Variants in FAT1 observed in about 807,000 individuals in gnomAD.
The protein encoded by FAT1 is protocadherin Fat 1.
A neutral mutation model predicts 329.8 loss-of-function variants in FAT1; 171 were observed. The ratio of observed to expected loss-of-function variants is 0.52; its 90% CI spans 0.46 to 0.59. The LOEUF (loss-of-function observed/expected upper bound fraction) is 0.59, where lower values mean the gene tolerates loss of function less well. Among genes scored for constraint, FAT1 ranks in the 20% least tolerant of loss-of-function variants. The pLI, the probability that FAT1 is intolerant of heterozygous loss-of-function variation, is 0.00. For synonymous variants in FAT1, 2,233 were observed against 2,228.6 expected (o/e 1.00, Z -0.06); for missense variants, 5,672 against 5,774.4 (o/e 0.98, Z 0.57).
intron 2 of FAT1, among the ~76,000 whole-genome samples, chr4:186,695,250 G>A (rs999317585): frequency 1.3e-5 from 2 of 152,176 alleles, no homozygotes; most frequent in Non-Finnish European, 2.9e-5. Context: ...TCCAGAGGAT[G>A]ATACAGGCAA....
At chr4:186,717,884 G>A (rs1417552858) in intron 1 of FAT1, among the ~76,000 whole-genome samples, 2 of 151,990 alleles carry the variant, frequency 1.3e-5, no homozygotes, top group Admixed American at 6.6e-5. Flanking sequence ...CCACATTCCA[G>A]GACAAACTTT....
intron 1 of FAT1, among the ~76,000 whole-genome samples, chr4:186,717,826 C>A (rs1745286124): frequency 6.6e-6 from 1 of 152,072 alleles, no homozygotes; most frequent in Admixed American, 6.6e-5. Flanking sequence ...CTATTCTCTT[C>A]TTTCCCCTCT....
At chr4:186,685,326 G>A (rs774033411) in intron 2 of FAT1, among the ~76,000 whole-genome samples, 5 of 152,192 alleles carry the variant, frequency 3.3e-5, no homozygotes, top group Non-Finnish European at 7.3e-5. Context: ...CGTAGAGAAC[G>A]TTAAACCACC....
rs1560962352 is a variant in FAT1, at chr4:186,645,391, A to C, written c.3581-5608T>G. Among the ~76,000 whole-genome samples the C allele has an allele frequency of 1.7e-3, 164 of 95,710 alleles. 13 individuals are homozygous for C. The East Asian group carries it at 0.02, about 12-fold the overall frequency. 62.8% of individuals were successfully genotyped at this position (95,710 alleles called of 152,430 possible). On this transcript the variant is annotated intron_variant, in intron 3 of 26. Transcript: ENST00000441802. ...CATATATATATATATATATATATATATATATATATATATATATATATATAT... is the reference window on the plus strand; with the variant it reads ...CATATATATATATATATATATATATCTATATATATATATATATATATATAT...
chr4:186,632,221 AAAAT>A (rs1380170235), intron 7 of FAT1, among the ~76,000 whole-genome samples: 1 of 152,216 alleles, frequency 6.6e-6, no homozygotes, highest in African/African-American at 2.4e-5. Context: ...GCACTAATTA[AAAAT>A]ATAATTATTG....
chr4:186,722,907 T>G (rs1285571733), intron 1 of FAT1, among the ~76,000 whole-genome samples: 2 of 150,500 alleles, frequency 1.3e-5, no homozygotes, highest in Non-Finnish European at 3.0e-5. Flanking sequence ...AAAAAAAAAC[T>G]TAACTGCATA....
chr4:186,620,674 TC>T lies in FAT1; in HGVS notation c.5911del (p.Glu1971LysfsTer7). The T allele has an allele frequency of 6.2e-7, 1 of 1,614,034 alleles. No homozygotes were observed. The highest frequency in any genetic ancestry group is 1.1e-5 in the South Asian group (1 of 91,080). On this transcript the variant is annotated frameshift_variant, in exon 10 of 27. Coordinates refer to ENST00000441802, the MANE Select transcript of FAT1 (RefSeq NM_005245.4). LOFTEE classifies it high-confidence loss of function. ...AAACTTTAGGTGACTTTCTTTGCTTTCTTTCACATTAATTTTGACAGAGGTA... is the reference window on the plus strand; with the variant it reads ...AAACTTTAGGTGACTTTCTTTGCTTTTTTCACATTAATTTTGACAGAGGTA... ...GLTSVKINVK[E>X]SKESHLKFTQ...
rs116784674 is a variant in FAT1, at chr4:186,618,886, C to A, written c.7700G>T (p.Arg2567Leu). The A allele has an allele frequency of 6.2e-7, 1 of 1,613,990 alleles. No individual in the cohort carries two copies. The highest frequency in any genetic ancestry group is 1.1e-5 in the South Asian group (1 of 91,082). Residue 2567 changes from arginine (R) to leucine (L), a missense_variant, in exon 10 of 27, where the codon CGT (arginine) becomes CTT (leucine). This residue lies in a region of FAT1 where 3,966 missense variants were observed against 3,915.2 expected (regional missense o/e 1.01). Coordinates refer to ENST00000441802, the MANE Select transcript of FAT1 (RefSeq NM_005245.4). The stretch of plus-strand genomic sequence containing the variant: ...TCCTCCAGCATCCTTAGCCATTAAA[C>A]GGACTGAGATCACTTTCTCCGCCGG... Reference protein sequence around the residue: ...ETPAEKVISVRLMAKDAGGKV... With the variant: ...ETPAEKVISVLLMAKDAGGKV...
Position 186,609,910 on chromosome 4 carries a change from G to A in FAT1, c.9959C>T (p.Thr3320Ile). Residue 3320 changes from threonine to isoleucine, a missense_variant, in exon 15 of 27, where the codon ACT (threonine) becomes ATT (isoleucine). Coordinates refer to ENST00000441802, the MANE Select transcript of FAT1 (RefSeq NM_005245.4). ...GGTPSLSDVA[T>I]VNVNVTDIND... ...GATATCTGTTACATTAACGTTCACAGTGGCAACGTCGCTCAGTGAAGGCGT... is the reference window on the plus strand; with the variant it reads ...GATATCTGTTACATTAACGTTCACAATGGCAACGTCGCTCAGTGAAGGCGT... 2 of 1,613,032 alleles carry A rather than the reference G, an allele frequency of 1.2e-6. No individual in the cohort carries two copies. Among genetic ancestry groups the A allele is most frequent in the Non-Finnish European group, 1.7e-6 (2 of 1,179,008 alleles).
intron 2 of FAT1, among the ~76,000 whole-genome samples, chr4:186,697,870 C>T (rs1020210117): frequency 6.6e-6 from 1 of 152,124 alleles, no homozygotes; most frequent in South Asian, 2.1e-4. Flanking sequence ...ACCAGGATTC[C>T]AAGAAGACGG....
intron 2 of FAT1, among the ~76,000 whole-genome samples, chr4:186,685,086 G>A (rs1029493479): frequency 6.6e-6 from 1 of 152,206 alleles, no homozygotes; most frequent in Non-Finnish European, 1.5e-5. Context: ...AACCAGGAGC[G>A]CACATTCCTG....
At chr4:186,643,550 C>T (rs191825883) in intron 3 of FAT1, among the ~76,000 whole-genome samples, 2 of 151,990 alleles carry the variant, frequency 1.3e-5, no homozygotes, top group Admixed American at 1.3e-4. Flanking sequence ...TTAGGGCTTC[C>T]TGTGGGATTT....
chr4:186,619,899 A>C lies in FAT1; in HGVS notation c.6687T>G (p.Ile2229Met), dbSNP rs1388822592. 1 of 1,614,002 alleles carries C rather than the reference A, an allele frequency of 6.2e-7. No individual in the cohort carries two copies. Among genetic ancestry groups the C allele is most frequent in the Admixed American group, 1.7e-5 (1 of 60,034 alleles). ...TDGDPFSQFT[I>M]NFNTGVINVI... is the part of the protein sequence containing the mutation. ...CATTGATAACTCCAGTATTGAAGTT[A>C]ATAGTGAACTGGCTGAAAGGGTCTC... Residue 2229 changes from isoleucine to methionine, a missense_variant, in exon 10 of 27, where the codon ATT (isoleucine) becomes ATG (methionine). By Grantham distance (10) the Ile-to-Met change is conservative (BLOSUM62 1). Coordinates refer to ENST00000441802, the MANE Select transcript of FAT1 (RefSeq NM_005245.4).
At chr4:186,642,156 G>GGTAA (rs1402591255) in intron 3 of FAT1, among the ~76,000 whole-genome samples, 9 of 152,258 alleles carry the variant, frequency 5.9e-5, no homozygotes, top group Admixed American at 5.9e-4. Context: ...TGCAATGAAT[G>GGTAA]GTAATATTAG....
rs944616503 is a variant in FAT1, at chr4:186,595,673, C to A, written c.13138+16G>T. On this transcript the variant is annotated intron_variant, in intron 26 of 26. Transcript: ENST00000441802. ...AAGCAAGCAAAGCGCAGTGTTGCAG[C>A]ACACTGCTGCCTCACCATTGTCATC... 1 of 1,613,246 alleles carries A rather than the reference C, an allele frequency of 6.2e-7. No homozygotes were observed. The highest frequency in any genetic ancestry group is 1.3e-5 in the African/African-American group (1 of 74,918).
At chr4:186,657,354 A>G (rs1306181805) in intron 3 of FAT1, among the ~76,000 whole-genome samples, 1 of 152,240 alleles carries the variant, frequency 6.6e-6, no homozygotes, top group East Asian at 1.9e-4. Context: ...GTCTCAAAAT[A>G]AACATGCGAA....
intron 2 of FAT1, among the ~76,000 whole-genome samples, chr4:186,692,146 C>T (rs1290774371): frequency 2.0e-5 from 3 of 152,292 alleles, no homozygotes; most frequent in African/African-American, 7.2e-5. Context: ...CTTAGTGAGT[C>T]AATACAGTTA....
chr4:186,671,804 G>A (rs538440146), intron 2 of FAT1, among the ~76,000 whole-genome samples: 3 of 150,560 alleles, frequency 2.0e-5, no homozygotes, highest in East Asian at 1.9e-4. Context: ...ACAGTAGATC[G>A]TGTGTGTGTG....
intron 16 of FAT1, among the ~76,000 whole-genome samples, chr4:186,607,686 G>A (rs1231635684): frequency 4.0e-5 from 6 of 151,742 alleles, no homozygotes; most frequent in Non-Finnish European, 5.9e-5. Context: ...TGGACAGGTC[G>A]GTGGGTGGAT....
Sources: gnomAD v4.1 joint callset for allele counts (sites outside exome capture counted in the v4.1 genomes callset) on GRCh38, gnomAD v4.1.1 for gene constraint, gnomAD v4.1.1 regional missense constraint, MANE v1.5 for transcripts, NCBI Gene and HGNC (gene_info 2026-07-23, HGNC 2026-07-21) for gene names.